The following SETDB1 variants were observed in gnomAD, a reference collection of about 807,000 sequenced individuals.
The protein encoded by SETDB1 is histone-lysine N-methyltransferase SETDB1.
Under a neutral mutation model 137.4 loss-of-function variants are expected in SETDB1, and 31 were observed. That is an observed-to-expected ratio of 0.23 (90% CI 0.17 to 0.30). SETDB1 has a LOEUF of 0.30. SETDB1 is among the 10% of genes least tolerant of loss of function. The probability of loss-of-function intolerance (pLI) is 1.00; values close to 1 mark genes in which losing one functional copy is unlikely to be tolerated. For synonymous variants in SETDB1, 548 were observed against 579.9 expected (o/e 0.95, Z 0.79); for missense variants, 1,113 against 1,631.5 (o/e 0.68, Z 5.47).
chr1:150,958,729 T>TTTA (rs764880970), intron 14 of SETDB1, among the ~76,000 whole-genome samples: 3 of 152,016 alleles, frequency 2.0e-5, no homozygotes, highest in African/African-American at 4.8e-5. Flanking sequence ...TTTATTTATT[T>TTTA]TTATTATTAT....
chr1:150,947,051 G>A, intron 10 of SETDB1, 39 bp downstream of exon 10: 2 of 1,611,556 alleles, frequency 1.2e-6, no homozygotes, highest in Non-Finnish European at 1.7e-6. Context: ...GAAGAAACAG[G>A]CCAACCAGCA....
Position 150,928,197 on chromosome 1 carries a change from A to C in SETDB1, c.260+223A>C, listed in dbSNP as rs985545597. The C allele has an allele frequency of 9.7e-5, 52 of 538,712 alleles. 1 individual carries two copies. In the South Asian group the frequency reaches 1.2e-3, roughly 12 times the overall value. The allele number at this position is 538,712 out of a possible 1,614,324, so 33.4% of individuals were successfully genotyped here. A position where few individuals can be genotyped will look rare whatever the true frequency, so the allele number is the denominator to read the frequency against. ...CTCCCCCTCCCGAGTAGCTGGAATT[A>C]TAGGCATCCGCCACCACACCCAGCT... On this transcript the variant is annotated intron_variant, in intron 2 of 21. Transcript: ENST00000692827.
At chr1:150,937,030 C>G (rs1239933096) in intron 3 of SETDB1, among the ~76,000 whole-genome samples, 1 of 152,052 alleles carries the variant, frequency 6.6e-6, no homozygotes, top group African/African-American at 2.4e-5. Flanking sequence ...GAGGCAGCGG[C>G]ACAAGAATTG....
intron 3 of SETDB1, among the ~76,000 whole-genome samples, chr1:150,937,992 G>A (rs1226721041): frequency 1.3e-5 from 2 of 152,124 alleles, no homozygotes; most frequent in Non-Finnish European, 1.5e-5. Flanking sequence ...CACTTTGGGA[G>A]CCTGAGGTGG....
chr1:150,939,536 G>C (rs907412919), intron 3 of SETDB1, among the ~76,000 whole-genome samples: 1 of 151,914 alleles, frequency 6.6e-6, no homozygotes, highest in Admixed American at 6.6e-5. Flanking sequence ...TGTTGACCAG[G>C]CTGATCTCAA....
chr1:150,956,997 G>A (rs1670660595), intron 14 of SETDB1, among the ~76,000 whole-genome samples: 1 of 151,904 alleles, frequency 6.6e-6, no homozygotes, highest in Non-Finnish European at 1.5e-5. Flanking sequence ...TGCAGCTGTG[G>A]TCCCAGCTAC....
At position 150,930,105 on chromosome 1, in the gene SETDB1, C is replaced by T. The variant is rs1265262666; in HGVS notation, c.399C>T (p.Leu133=). 3.1e-6 allele frequency: 5 copies of T among 1,613,736 alleles called. No individual in the cohort carries two copies. The South Asian group carries it at 4.4e-5, about 14-fold the overall frequency. Residue 133 remains leucine (L), a synonymous_variant, in exon 3 of 22, where the codon CTC becomes CTT. Transcript: ENST00000692827. Reference sequence around the variant, plus strand: ...TTCCTGATGAAGATGATGATGTCCTCAGTATTGATTCAGGTAAGGGATGAG... The same window carrying T: ...TTCCTGATGAAGATGATGATGTCCTTAGTATTGATTCAGGTAAGGGATGAG... ...IEIPDEDDDV[L]SIDSGDAGSR... is the part of the protein sequence containing the mutation.
In SETDB1 at chr1:150,927,723, C is replaced by T. The variant is rs921776582; in HGVS notation, c.9C>T (p.Ser3=). Reference sequence around the variant, plus strand: ...ATGCAGAGGACAAAAGCATGTCTTCCCTTCCTGGGTGCATTGGTTTGGATG... The same window carrying T: ...ATGCAGAGGACAAAAGCATGTCTTCTCTTCCTGGGTGCATTGGTTTGGATG... MS[S]LPGCIGLDAA... The change falls in exon 2 of 22, where the codon TCC becomes TCT. Residue 3 remains serine, a synonymous_variant. Transcript: ENST00000692827. 1.9e-6 allele frequency: 3 copies of T among 1,613,824 alleles called. No individual in the cohort carries two copies. The highest frequency in any genetic ancestry group is 2.5e-6 in the Non-Finnish European group (3 of 1,179,832).
At position 150,943,218 on chromosome 1, in the gene SETDB1, T is replaced by A. The variant is rs911285286; in HGVS notation, c.875+165T>A. ...AGGAGTCATGTGGGTGATTCTTTCT[T>A]CCTCTTTCTCCTCCTGTTTTTTTTC... On this transcript the variant is annotated intron_variant, in intron 7 of 21. Coordinates refer to ENST00000692827, the MANE Select transcript of SETDB1 (RefSeq NM_001366418.1). 4.3e-4 allele frequency among the ~76,000 whole-genome samples: 65 copies of A among 152,194 alleles called. 2 individuals are homozygous for A. The highest frequency in any genetic ancestry group is 1.8e-4 in the Non-Finnish European group (12 of 68,052).
rs1333325042 is a variant in SETDB1, at chr1:150,939,943, A to G, written c.416A>G (p.Asp139Gly). The change falls in exon 4 of 22, where the codon GAT (aspartate) becomes GGT (glycine). Residue 139 changes from aspartate (D) to glycine (G), a missense_variant. Asp to Gly is a moderately conservative substitution (Grantham distance 94). Coordinates refer to ENST00000692827, the MANE Select transcript of SETDB1 (RefSeq NM_001366418.1). Reference sequence around the variant, plus strand: ...TTAGAGTTCTTCTCGTCCATAGGTGATGCTGGGAGCAGAACTCCAAAAGAC... The same window carrying G: ...TTAGAGTTCTTCTCGTCCATAGGTGGTGCTGGGAGCAGAACTCCAAAAGAC... Reference protein sequence around the residue: ...DDDVLSIDSGDAGSRTPKDQK... With the variant: ...DDDVLSIDSGGAGSRTPKDQK... 6.2e-7 allele frequency: 1 copy of G among 1,612,568 alleles called. No individual in the cohort carries two copies. Among genetic ancestry groups the G allele is most frequent in the Admixed American group, 1.7e-5 (1 of 59,922 alleles).
chr1:150,926,535 GA>G lies in SETDB1; in HGVS notation c.-12+19del. On this transcript the variant is annotated intron_variant, in intron 1 of 21. Transcript: ENST00000692827. Reference sequence around the variant, plus strand: ...GACGGGAGGTGCGGGGAATACTGTTGAGTTATTTGGTGACCAAAGGCTTATC... The same window carrying G: ...GACGGGAGGTGCGGGGAATACTGTTGGTTATTTGGTGACCAAAGGCTTATC... The G allele has an allele frequency of 2.8e-6, 1 of 355,680 alleles. No individual in the cohort carries two copies. The highest frequency in any genetic ancestry group is 2.2e-5 in the South Asian group (1 of 45,900). 22.0% of individuals were successfully genotyped at this position (355,680 alleles called of 1,614,324 possible). A position where few individuals can be genotyped will look rare whatever the true frequency, so the allele number is the denominator to read the frequency against.
Position 150,942,930 on chromosome 1 carries a change from A to G in SETDB1, c.752A>G (p.Tyr251Cys), listed in dbSNP as rs750324409. ...TCGGGGAACCATATTGCCTATGATT[A>G]CCACCCTCCTGCTGACAAGCTGTAT... ...LLSGNHIAYD[Y>C]HPPADKLYVG... The change falls in exon 7 of 22, where the codon TAC (tyrosine) becomes TGC (cysteine). Residue 251 changes from tyrosine (Y) to cysteine (C), a missense_variant. Physicochemically the swap from Tyr to Cys is radical, Grantham distance 194. Transcript: ENST00000692827. The G allele has an allele frequency of 6.2e-7, 1 of 1,613,964 alleles. No homozygotes were observed. Among genetic ancestry groups the G allele is most frequent in the Non-Finnish European group, 8.5e-7 (1 of 1,179,820 alleles).
intron 5 of SETDB1, 35 bp downstream of exon 5, chr1:150,941,463 G>A (rs1440547822): frequency 3.1e-6 from 4 of 1,270,914 alleles, no homozygotes; most frequent in Middle Eastern, 1.9e-4. Flanking sequence ...ACAGATGGGA[G>A]GTGAATTCTT....
At chr1:150,936,016 T>C (rs587701843) in intron 3 of SETDB1, among the ~76,000 whole-genome samples, 1 of 152,350 alleles carries the variant, frequency 6.6e-6, no homozygotes, top group South Asian at 2.1e-4. Flanking sequence ...AGACGGAGTC[T>C]CGCTCTGTCG....
At position 150,950,764 on chromosome 1, in the gene SETDB1, A is replaced by C. The variant is rs759401726; in HGVS notation, c.1890A>C (p.Thr630=). 2 of 1,614,096 alleles carry C rather than the reference A, an allele frequency of 1.2e-6. No individual in the cohort carries two copies. Among genetic ancestry groups the C allele is most frequent in the Non-Finnish European group, 1.7e-6 (2 of 1,180,022 alleles). The part of the protein sequence containing the change: ...RKMGFHVIYK[T]PCGLCLRTMQ... ...TGGGCTTTCATGTTATCTATAAGAC[A>C]CCTTGTGGTCTCTGCCTTCGGACAA... is the stretch of plus-strand genomic sequence containing the variant. The change falls in exon 13 of 22, where the codon ACA becomes ACC. Residue 630 remains threonine (T), a synonymous_variant. Transcript: ENST00000692827.
chr1:150,963,819 C>T, intron 20 of SETDB1, 78 bp downstream of exon 20: 7 of 1,444,066 alleles, frequency 4.8e-6, no homozygotes, highest in Non-Finnish European at 6.8e-6. Context: ...TCTATAAGCC[C>T]TTTTCTTGTT....
At position 150,949,473 on chromosome 1, in the gene SETDB1, G is replaced by A. The variant is rs768734404; in HGVS notation, c.1531G>A (p.Ala511Thr). 1 of 1,614,044 alleles carries A rather than the reference G, an allele frequency of 6.2e-7. No homozygotes were observed. Among genetic ancestry groups the A allele is most frequent in the South Asian group, 1.1e-5 (1 of 91,082 alleles). ...TGGTCATTCCTCCCCTACATCTCCT[G>A]CACTCAGTGAAAATGTCTCTGGTGG... ...GSGHSSPTSP[A>T]LSENVSGGKP... Residue 511 changes from alanine to threonine, a missense_variant, in exon 12 of 22, where the codon GCA (alanine) becomes ACA (threonine). By Grantham distance (58) the Ala-to-Thr change is moderately conservative (BLOSUM62 0). Transcript: ENST00000692827.
intron 2 of SETDB1, among the ~76,000 whole-genome samples, chr1:150,929,103 A>G (rs1571619680): frequency 6.6e-6 from 1 of 152,196 alleles, no homozygotes; most frequent in South Asian, 2.1e-4. Context: ...CTTTGGGTAT[A>G]TACCCAGTAA....
chr1:150,961,224 G>A (rs776571315), intron 16 of SETDB1, 33 bp downstream of exon 16: 21 of 1,604,094 alleles, frequency 1.3e-5, no homozygotes, highest in Middle Eastern at 2.2e-4. Context: ...GAGAGCTATG[G>A]CTTTAACTTT....
Sources: gnomAD v4.1 joint callset for allele counts (sites outside exome capture counted in the v4.1 genomes callset) on GRCh38, gnomAD v4.1.1 for gene constraint, MANE v1.5 for transcripts, NCBI Gene and HGNC (gene_info 2026-07-23, HGNC 2026-07-21) for gene names.